The following GMIP variants were observed in gnomAD, a reference collection of about 807,000 sequenced individuals.
GMIP encodes the protein GEM-interacting protein.
Under a neutral mutation model 105.3 loss-of-function variants are expected in GMIP, and 54 were observed. That is an observed-to-expected ratio of 0.51 (90% CI 0.41 to 0.64). The LOEUF is 0.64. Among genes scored for constraint, GMIP ranks in the 30% least tolerant of loss-of-function variants. The probability of loss-of-function intolerance (pLI) is 0.00; values close to 1 mark genes in which losing one functional copy is unlikely to be tolerated. For missense variants in GMIP, 1,110 were observed against 1,319.4 expected (o/e 0.84, Z 2.46); for synonymous variants, 541 against 560.8 (o/e 0.96, Z 0.50).
intron 7 of GMIP, among the ~76,000 whole-genome samples, chr19:19,639,566 T>C (rs2061895983): frequency 1.3e-5 from 2 of 151,360 alleles, no homozygotes; most frequent in Non-Finnish European, 2.9e-5. Context: ...ACGAAGTTTT[T>C]GGCTGGGCGT....
At chr19:19,639,557 C>CAAAACAAA (rs2061895888) in intron 7 of GMIP, among the ~76,000 whole-genome samples, 1 of 151,980 alleles carries the variant, frequency 6.6e-6, no homozygotes, top group Non-Finnish European at 1.5e-5. Flanking sequence ...CAAACAAAAA[C>CAAAACAAA]GAAGTTTTTG....
At chr19:19,631,267 C>T (rs756470870) in intron 19 of GMIP, among the ~76,000 whole-genome samples, 26 of 152,220 alleles carry the variant, frequency 1.7e-4, no homozygotes, top group African/African-American at 4.6e-4. Flanking sequence ...GAGTCTGGAC[C>T]GTGGGCTCCA....
Position 19,637,286 on chromosome 19 carries a change from G to C in GMIP, c.1124+79C>G, listed in dbSNP as rs1469828516. The stretch of plus-strand genomic sequence containing the variant: ...CTAAGGCTTTGCGTTCTCTAACCTC[G>C]AGTAACCAGCCTGCGGTGCCAACAG... On this transcript the variant is annotated intron_variant, in intron 11 of 20. Transcript: ENST00000203556. This position sits in a 1 kb window ranked among gnomAD's most constrained non-coding sequence, Gnocchi z 6.7. The C allele has an allele frequency of 9.7e-7, 1 of 1,033,194 alleles. No homozygotes were observed. The highest frequency in any genetic ancestry group is 1.4e-6 in the Non-Finnish European group (1 of 708,560). 64.0% of individuals were successfully genotyped at this position (1,033,194 alleles called of 1,614,324 possible). A position where few individuals can be genotyped will look rare whatever the true frequency, so the allele number is the denominator to read the frequency against.
Position 19,637,912 on chromosome 19 carries a change from G to A in GMIP, c.927+8C>T, listed in dbSNP as rs2061872962. On this transcript the variant is annotated splice_region_variant and intron_variant, in intron 10 of 20. Coordinates refer to ENST00000203556, the MANE Select transcript of GMIP (RefSeq NM_016573.4). This position sits in a 1 kb window ranked among gnomAD's most constrained non-coding sequence, Gnocchi z 6.7. ...TGAGGGGAGGATGGCCTTGGGGATG[G>A]GCCTCACCCGCCTCAGCACTTCATC... 2 of 1,592,940 alleles carry A rather than the reference G, an allele frequency of 1.3e-6. No homozygotes were observed. Among genetic ancestry groups the A allele is most frequent in the Admixed American group, 3.4e-5 (2 of 58,178 alleles).
chr19:19,642,746 G>C (rs771920830), intron 1 of GMIP, 127 bp from the exon 2 acceptor site: 67 of 524,630 alleles, frequency 1.3e-4, no homozygotes, highest in Middle Eastern at 1.0e-3. Flanking sequence ...GAGGGCTGGG[G>C]GGGGCTTGGT....
In GMIP at chr19:19,643,630, G is replaced by GCCT. The variant is rs2061950038; in HGVS notation, c.-104_-102dup. 4.7e-6 allele frequency: 5 copies of GCCT among 1,060,100 alleles called. No homozygotes were observed. Among genetic ancestry groups the GCCT allele is most frequent in the Non-Finnish European group, 6.7e-6 (5 of 740,744 alleles). The allele number at this position is 1,060,100 out of a possible 1,614,324, so 65.7% of individuals were successfully genotyped here. On this transcript the variant is annotated 5_prime_UTR_variant, in exon 1 of 21. Transcript: ENST00000203556. Reference sequence around the variant, plus strand: ...TCCTGCCGCCGCAGCCGCCGCCGCCGCCTCGGTTCCGCGTCGCCCTGCCCA... The same window carrying GCCT: ...TCCTGCCGCCGCAGCCGCCGCCGCCGCCTCCTCGGTTCCGCGTCGCCCTGCCCA...
At position 19,634,843 on chromosome 19, in the gene GMIP, C is replaced by G; in HGVS notation, c.1836G>C (p.Ser612=). ...TCGAGACGTCATGAGGCGAGTTCCCCGACAGCTCCACCAACGCTCGGCCAT... is the reference window on the plus strand; with the variant it reads ...TCGAGACGTCATGAGGCGAGTTCCCGGACAGCTCCACCAACGCTCGGCCAT... ...FENGRALVEL[S]GNSPHDVSSV... The change falls in exon 17 of 21, where the codon TCG becomes TCC. Residue 612 remains serine (S), a synonymous_variant. Transcript: ENST00000203556. This position sits in a 1 kb window ranked among gnomAD's most constrained non-coding sequence, Gnocchi z 6.1. 6.2e-7 allele frequency: 1 copy of G among 1,613,924 alleles called. No individual in the cohort carries two copies. The highest frequency in any genetic ancestry group is 8.5e-7 in the Non-Finnish European group (1 of 1,180,014).
intron 7 of GMIP, among the ~76,000 whole-genome samples, chr19:19,638,906 C>A (rs1204315232): frequency 6.6e-6 from 1 of 150,448 alleles, no homozygotes; most frequent in Admixed American, 6.7e-5. Context: ...CATGGTGAAA[C>A]CCCGTCTCTA....
chr19:19,639,516 G>A (rs1599414640), intron 7 of GMIP, among the ~76,000 whole-genome samples: 1 of 152,120 alleles, frequency 6.6e-6, no homozygotes, highest in East Asian at 1.9e-4. Context: ...CTTTCCTCCT[G>A]AGAACACTCA....
rs2061870518 is a variant in GMIP, at chr19:19,637,681, G to T, written c.928-120C>A. On this transcript the variant is annotated intron_variant, in intron 10 of 20. Coordinates refer to ENST00000203556, the MANE Select transcript of GMIP (RefSeq NM_016573.4). This position sits in a 1 kb window ranked among gnomAD's most constrained non-coding sequence, Gnocchi z 6.7. ...GTCAGGGTTTGGGACGCACCTGGGC[G>T]GCTTAGGAACTAGGGCAGTCGGCCA... The T allele has an allele frequency of 5.4e-6, 5 of 924,356 alleles. No individual in the cohort carries two copies. The highest frequency in any genetic ancestry group is 6.9e-4 in the Middle Eastern group (2 of 2,918). The allele number at this position is 924,356 out of a possible 1,614,324, so 57.3% of individuals were successfully genotyped here.
At position 19,640,284 on chromosome 19, in the gene GMIP, G is replaced by A. The variant is rs1319277311; in HGVS notation, c.429+12C>T. The A allele has an allele frequency of 2.5e-6, 4 of 1,612,764 alleles. No homozygotes were observed. Among genetic ancestry groups the A allele is most frequent in the Non-Finnish European group, 3.4e-6 (4 of 1,178,966 alleles). ...GGGCTTGGGCTCTCCGGGGGGGTCTGGTCATGACTACCTGCTGTTGAATGG... is the reference window on the plus strand; with the variant it reads ...GGGCTTGGGCTCTCCGGGGGGGTCTAGTCATGACTACCTGCTGTTGAATGG... On this transcript the variant is annotated intron_variant, in intron 6 of 20. Transcript: ENST00000203556.
chr19:19,635,203 G>A lies in GMIP; in HGVS notation c.1571C>T (p.Thr524Ile). 1 of 1,612,080 alleles carries A rather than the reference G, an allele frequency of 6.2e-7. No individual in the cohort carries two copies. Among genetic ancestry groups the A allele is most frequent in the South Asian group, 1.1e-5 (1 of 90,882 alleles). ...SGTECEECFL[T>I]CHKRCLETLL... The stretch of plus-strand genomic sequence containing the variant: ...AGTCTCCAGGCAGCGCTTGTGGCAG[G>A]TCAGAAAGCACTGTGGGGAAGGTCA... Residue 524 changes from threonine to isoleucine, a missense_variant, in exon 16 of 21, where the codon ACC (threonine) becomes ATC (isoleucine). Transcript: ENST00000203556. The surrounding 1 kb of genome is among the most constrained non-coding windows in gnomAD (Gnocchi z 4.7).
Position 19,632,473 on chromosome 19 carries a change from G to A in GMIP, c.2472+1330C>T, listed in dbSNP as rs1017620398. ...TGCTTGAACCCGGGAGGCGGAGGTT[G>A]TGGTGAGCCGAGATCGCACCACTGC... is the stretch of plus-strand genomic sequence containing the variant. On this transcript the variant is annotated intron_variant, in intron 19 of 20. Coordinates refer to ENST00000203556, the MANE Select transcript of GMIP (RefSeq NM_016573.4). 5.9e-5 allele frequency among the ~76,000 whole-genome samples: 9 copies of A among 152,228 alleles called. No individual in the cohort carries two copies. The South Asian group carries it at 1.9e-3, about 32-fold the overall frequency.
chr19:19,640,015 AG>A (rs11298700), intron 7 of GMIP, 69 bp downstream of exon 7: 399,416 of 844,286 alleles, frequency 0.47, 95,168 homozygotes, highest in African/African-American at 0.51. Context: ...CTGGGAAACG[AG>A]GGGATCAGGC....
chr19:19,630,508 C>T lies in GMIP; in HGVS notation c.2502G>A (p.Glu834=). 6.2e-7 allele frequency: 1 copy of T among 1,614,074 alleles called. No individual in the cohort carries two copies. Among genetic ancestry groups the T allele is most frequent in the Non-Finnish European group, 8.5e-7 (1 of 1,179,942 alleles). ...CATCTTTGGTGTCTTCAGCCACGTCCTCTCTCTGGTCACTCTGTGGAGTTG... is the reference window on the plus strand; with the variant it reads ...CATCTTTGGTGTCTTCAGCCACGTCTTCTCTCTGGTCACTCTGTGGAGTTG... ...EIPTPQSDQR[E]DVAEDTKDGG... Residue 834 remains glutamate (E), a synonymous_variant, in exon 20 of 21, where the codon GAG becomes GAA. Transcript: ENST00000203556. This position sits in a 1 kb window ranked among gnomAD's most constrained non-coding sequence, Gnocchi z 4.8.
intron 8 of GMIP, 35 bp from the exon 9 acceptor site, chr19:19,638,364 C>T (rs375532905): frequency 2.9e-4 from 476 of 1,614,154 alleles, no homozygotes; most frequent in Non-Finnish European, 3.8e-4. Context: ...GTCCCGGCCT[C>T]TCTCTCACCC....
rs1298731226 is a variant in GMIP, at chr19:19,634,569, G to A, written c.2022C>T (p.Leu674=). The change falls in exon 18 of 21, where the codon CTC becomes CTT. Residue 674 remains leucine (L), a synonymous_variant. Transcript: ENST00000203556. The surrounding 1 kb of genome is among the most constrained non-coding windows in gnomAD (Gnocchi z 6.1). ...SPEVIRSLKT[L]LVQLPDSNYN... ...AGTTAGAGTCAGGCAGCTGTACCAA[G>A]AGGGTCTTCAGCGAGCGGATAACCT... 3 of 1,613,592 alleles carry A rather than the reference G, an allele frequency of 1.9e-6. No homozygotes were observed. Among genetic ancestry groups the A allele is most frequent in the African/African-American group, 2.7e-5 (2 of 74,900 alleles).
At chr19:19,641,723 C>T in intron 4 of GMIP, 87 bp downstream of exon 4, 2 of 969,328 alleles carry the variant, frequency 2.1e-6, no homozygotes, top group Non-Finnish European at 3.3e-6. Flanking sequence ...CTAAACGATG[C>T]CTTGCATGGA....
At chr19:19,638,610 C>T (rs1312756826) in intron 7 of GMIP, 128 bp from the exon 8 acceptor site, 15 of 709,356 alleles carry the variant, frequency 2.1e-5, no homozygotes, top group Non-Finnish European at 3.3e-5. Flanking sequence ...TTTTTCGAGA[C>T]GGAGTTTTGC....
Sources: gnomAD v4.1 joint callset for allele counts (sites outside exome capture counted in the v4.1 genomes callset) on GRCh38, gnomAD v4.1.1 for gene constraint, Gnocchi (gnomAD v3.1) non-coding constraint, MANE v1.5 for transcripts, NCBI Gene and HGNC (gene_info 2026-07-23, HGNC 2026-07-21) for gene names.